MDGA2: variants seen among roughly 807,000 people sequenced by gnomAD.
MDGA2 encodes MAM domain containing glycosylphosphatidylinositol anchor 2, also known as MAM domain-containing glycosylphosphatidylinositol anchor protein 2.
A neutral mutation model predicts 117.8 loss-of-function variants in MDGA2; 40 were observed. The observed-to-expected ratio is 0.34, with a 90% CI of 0.26 to 0.44. The LOEUF (loss-of-function observed/expected upper bound fraction) is 0.44. MDGA2 is among the 20% of genes least tolerant of loss of function. The pLI is 1.00. For missense variants in MDGA2, 1,123 were observed against 1,250.6 expected (o/e 0.90, Z 1.54); for synonymous variants, 452 against 439.0 (o/e 1.03, Z -0.37).
chr14:47,569,014 A>C (rs1487808830), intron 1 of MDGA2, among the ~76,000 whole-genome samples: 2 of 151,654 alleles, frequency 1.3e-5, no homozygotes, highest in Admixed American at 1.3e-4. Flanking sequence ...TTACTATCAC[A>C]TTTATTGTCA....
chr14:47,584,839 C>G (rs1422160864), intron 1 of MDGA2, among the ~76,000 whole-genome samples: 1 of 151,724 alleles, frequency 6.6e-6, no homozygotes, highest in Non-Finnish European at 1.5e-5. Flanking sequence ...TTACAGTTTC[C>G]ATAACACTCA....
chr14:46,989,616 A>T (rs1887006127), intron 8 of MDGA2, among the ~76,000 whole-genome samples: 1 of 152,140 alleles, frequency 6.6e-6, no homozygotes, highest in South Asian at 2.1e-4. Context: ...CCAGTGGGAA[A>T]GGAAAATATG....
In MDGA2 at chr14:47,642,235, T is replaced by C. The variant is rs1173086514; in HGVS notation, c.280+32282A>G. ...CTACTCAGCTCCCTCACCAGTAAAA[T>C]GGGAATTATTTTGGTACTTATCTCA... On this transcript the variant is annotated intron_variant, in intron 1 of 16. Transcript: ENST00000399232. Among the ~76,000 whole-genome samples the C allele has an allele frequency of 3.3e-5, 5 of 152,072 alleles. No homozygotes were observed. The South Asian group carries it at 1.0e-3, about 31-fold the overall frequency.
At chr14:47,135,908 G>A (rs1882429275) in intron 4 of MDGA2, among the ~76,000 whole-genome samples, 1 of 152,028 alleles carries the variant, frequency 6.6e-6, no homozygotes, top group Non-Finnish European at 1.5e-5. Context: ...TGACTGGAGT[G>A]CAGCGCAACA....
intron 1 of MDGA2, among the ~76,000 whole-genome samples, chr14:47,485,984 C>A (rs1415929094): frequency 6.6e-6 from 1 of 152,196 alleles, no homozygotes; most frequent in African/African-American, 2.4e-5. Flanking sequence ...TTGGAGCCCC[C>A]ACACAGAGTC....
chr14:47,145,651 A>G (rs1882912844), intron 3 of MDGA2, among the ~76,000 whole-genome samples: 1 of 152,124 alleles, frequency 6.6e-6, no homozygotes, highest in African/African-American at 2.4e-5. Flanking sequence ...TGGGGTCTTC[A>G]ATTTCCTTGT....
At chr14:47,102,664 G>A (rs931087207) in intron 5 of MDGA2, among the ~76,000 whole-genome samples, 10 of 152,164 alleles carry the variant, frequency 6.6e-5, no homozygotes, top group African/African-American at 2.4e-4. Context: ...GAGAGACCAA[G>A]TCAAGGGCAC....
chr14:47,317,593 A>G (rs1889846334), intron 1 of MDGA2, among the ~76,000 whole-genome samples: 1 of 152,046 alleles, frequency 6.6e-6, no homozygotes, highest in Non-Finnish European at 1.5e-5. Context: ...AGTCAACACT[A>G]AATAAGCCTT....
chr14:47,135,263 A>G (rs1286405665), intron 4 of MDGA2, among the ~76,000 whole-genome samples: 1 of 152,072 alleles, frequency 6.6e-6, no homozygotes, highest in Admixed American at 6.6e-5. Flanking sequence ...TTACCATTGA[A>G]TATTCTAGTT....
Position 47,117,403 on chromosome 14 carries a change from T to C in MDGA2, c.925+14311A>G, listed in dbSNP as rs141734277. 9.4e-3 allele frequency among the ~76,000 whole-genome samples: 1,432 copies of C among 152,234 alleles called. 18 individuals are homozygous for C. Among genetic ancestry groups the C allele is most frequent in the Middle Eastern group, 0.034 (10 of 294 alleles). Reference sequence around the variant, plus strand: ...GTAATCCTACTTCCAGGACTGCTTATTTTTCCAAAAGAAATGAAATCAGGA... The same window carrying C: ...GTAATCCTACTTCCAGGACTGCTTACTTTTCCAAAAGAAATGAAATCAGGA... On this transcript the variant is annotated intron_variant, in intron 5 of 16. Coordinates refer to ENST00000399232, the MANE Select transcript of MDGA2 (RefSeq NM_001113498.3).
chr14:47,177,587 G>T (rs1044918547), intron 3 of MDGA2, among the ~76,000 whole-genome samples: 1 of 152,094 alleles, frequency 6.6e-6, no homozygotes, highest in Non-Finnish European at 1.5e-5. Context: ...ACTCATAGGT[G>T]GGAATTGAAC....
At chr14:47,179,688 T>C (rs1163079177) in intron 3 of MDGA2, among the ~76,000 whole-genome samples, 2 of 152,214 alleles carry the variant, frequency 1.3e-5, no homozygotes, top group East Asian at 3.9e-4. Context: ...GTTCTATGGT[T>C]CACAGAGGTA....
chr14:46,982,945 G>C (rs1017464267), intron 8 of MDGA2, among the ~76,000 whole-genome samples: 8 of 151,912 alleles, frequency 5.3e-5, no homozygotes, highest in African/African-American at 1.5e-4. Flanking sequence ...CTGTGGGTTT[G>C]TTGTAGATAG....
chr14:47,503,780 G>A (rs746816175), intron 1 of MDGA2, among the ~76,000 whole-genome samples: 5 of 152,086 alleles, frequency 3.3e-5, no homozygotes, highest in Non-Finnish European at 7.4e-5. Context: ...TTTCCTGGTT[G>A]CCAATACCAA....
intron 1 of MDGA2, among the ~76,000 whole-genome samples, chr14:47,672,184 A>C (rs2138320413): frequency 6.6e-6 from 1 of 152,316 alleles, no homozygotes; most frequent in Admixed American, 6.5e-5. Flanking sequence ...GTAATACATA[A>C]TTTTTAACCC....
At chr14:47,219,058 A>G (rs1258655077) in intron 2 of MDGA2, among the ~76,000 whole-genome samples, 1 of 152,054 alleles carries the variant, frequency 6.6e-6, no homozygotes, top group Non-Finnish European at 1.5e-5. Flanking sequence ...AAGTAAAAAT[A>G]ATTTGATTTT....
chr14:46,873,726 C>G (rs1882107863), intron 13 of MDGA2, 135 bp from the exon 14 acceptor site: 1 of 782,862 alleles, frequency 1.3e-6, no homozygotes. Context: ...TATAAAATCT[C>G]TATGTGTATA....
Position 47,441,642 on chromosome 14 carries a change from G to T in MDGA2, c.281-140092C>A, listed in dbSNP as rs960461431. On this transcript the variant is annotated intron_variant, in intron 1 of 16. Transcript: ENST00000399232. ...ATAGACTCCCTTTCCTCATGGAATT[G>T]ACAGTTTTTTGAAAATCAGATTTGT... is the stretch of plus-strand genomic sequence containing the variant. Among the ~76,000 whole-genome samples the T allele has an allele frequency of 3.4e-4, 52 of 152,106 alleles. 1 individual carries two copies. The highest frequency in any genetic ancestry group is 2.9e-5 in the Non-Finnish European group (2 of 68,000).
chr14:47,649,894 G>C (rs1897606778), intron 1 of MDGA2, among the ~76,000 whole-genome samples: 1 of 151,994 alleles, frequency 6.6e-6, no homozygotes, highest in African/African-American at 2.4e-5. Flanking sequence ...TAAAAAAGTT[G>C]GGAGAGAGGT....
Sources: allele counts gnomAD v4.1 joint callset (sites outside exome capture counted in the v4.1 genomes callset), GRCh38; gene constraint gnomAD v4.1.1; transcripts MANE v1.5; gene names NCBI Gene and HGNC (gene_info 2026-07-23, HGNC 2026-07-21).